The following SAMD9 variants were observed in gnomAD, a reference collection of about 807,000 sequenced individuals.
SAMD9 encodes sterile alpha motif domain containing 9.
A neutral mutation model predicts 1.5 loss-of-function variants in SAMD9; 3 were observed. That is an observed-to-expected ratio of 2.05 (90% CI 0.93 to 5.29). The LOEUF is 5.29. Among genes scored for constraint, SAMD9 ranks in the 30% most tolerant of loss-of-function variants. The pLI is 0.02. For synonymous variants in SAMD9, 635 were observed against 631.9 expected, an observed-to-expected ratio of 1.00 and a Z score of -0.07; for missense variants, 1,597 against 1,820.8, an observed-to-expected ratio of 0.88 and a Z score of 2.24.
chr7:93,112,865 A>G (rs1288208179), intron 2 of SAMD9, among the ~76,000 whole-genome samples: 1 of 152,246 alleles, frequency 6.6e-6, no homozygotes, highest in Non-Finnish European at 1.5e-5. Context: ...TATCATGAAA[A>G]TGGCCATACT....
At chr7:93,113,240 T>A (rs1189428851) in intron 2 of SAMD9, among the ~76,000 whole-genome samples, 1 of 152,226 alleles carries the variant, frequency 6.6e-6, no homozygotes, top group African/African-American at 2.4e-5. Context: ...CTGGGAAAAC[T>A]GGCTAGCCAT....
At chr7:93,112,361 C>T (rs1366468365) in intron 2 of SAMD9, among the ~76,000 whole-genome samples, 1 of 152,142 alleles carries the variant, frequency 6.6e-6, no homozygotes, top group African/African-American at 2.4e-5. Context: ...ACTGAATGGG[C>T]AAAAACTGGA....
Position 93,103,224 on chromosome 7 carries a change from G to T in SAMD9, c.2874C>A (p.Asp958Glu). The T allele has an allele frequency of 6.2e-7, 1 of 1,613,680 alleles. No individual in the cohort carries two copies. The highest frequency in any genetic ancestry group is 8.5e-7 in the Non-Finnish European group (1 of 1,179,716). ...GAATTGTAGAGTAGGTGCCCATCTT[G>T]TCTTCAAATTTTTCTGTCCCCCAGA... ...KAFWGTEKFE[D>E]KMGTYSTILI... Residue 958 changes from aspartate (D) to glutamate (E), a missense_variant, in exon 3 of 3, where the codon GAC becomes GAA. Around this residue, in one of 6 missense-constraint regions of SAMD9, gnomAD observed 682 missense variants for 810.0 expected, o/e 0.84. Transcript: ENST00000379958.
rs967807530 is a variant in SAMD9 at position 93,105,500 on chromosome 7, A to G, written c.598T>C (p.Phe200Leu). ...LIDPIHEFKAFTNTATATEED... is the reference protein window; with the variant it reads ...LIDPIHEFKALTNTATATEED... The stretch of plus-strand genomic sequence containing the variant: ...TCTGTGGCTGTTGCTGTATTTGTGA[A>G]GGCTTTGAATTCATGTATCGGATCA... The change falls in exon 3 of 3, where the codon TTC becomes CTC. Residue 200 changes from phenylalanine to leucine, a missense_variant. Phe to Leu is a conservative substitution (Grantham distance 22). Around this residue, in one of 6 missense-constraint regions of SAMD9, gnomAD observed 498 missense variants for 457.4 expected, o/e 1.09. Transcript: ENST00000379958. 2 of 1,614,044 alleles carry G rather than the reference A, an allele frequency of 1.2e-6. No homozygotes were observed. Among genetic ancestry groups the G allele is most frequent in the Admixed American group, 3.3e-5 (2 of 60,012 alleles).
intron 1 of SAMD9, among the ~76,000 whole-genome samples, chr7:93,117,258 TTTGTTGTTGTTGTTG>T (rs201142138): frequency 2.0e-5 from 3 of 150,504 alleles, no homozygotes; most frequent in South Asian, 4.2e-4. Flanking sequence ...TATCTTTCCG[TTTGTTGTTGTTGTTG>T]TTGTTGTTGT....
At chr7:93,113,454 G>A (rs1791779721) in intron 2 of SAMD9, among the ~76,000 whole-genome samples, 1 of 152,112 alleles carries the variant, frequency 6.6e-6, no homozygotes, top group Non-Finnish European at 1.5e-5. Context: ...TTGACAAATG[G>A]GATCTAGTTA....
At chr7:93,108,698 C>T (rs1432815785) in intron 2 of SAMD9, among the ~76,000 whole-genome samples, 1 of 152,204 alleles carries the variant, frequency 6.6e-6, no homozygotes, top group Non-Finnish European at 1.5e-5. Context: ...GAGCCTCACT[C>T]ACTGCTAGCA....
At chr7:93,110,080 G>C (rs1334156953) in intron 2 of SAMD9, among the ~76,000 whole-genome samples, 1 of 152,182 alleles carries the variant, frequency 6.6e-6, no homozygotes, top group African/African-American at 2.4e-5. Flanking sequence ...ACCCACAAAG[G>C]GGAGCCCATC....
In SAMD9 at chr7:93,105,045, G is replaced by T. The variant is rs200454238; in HGVS notation, c.1053C>A (p.Asp351Glu). 2 of 1,613,810 alleles carry T rather than the reference G, an allele frequency of 1.2e-6. No individual in the cohort carries two copies. The highest frequency in any genetic ancestry group is 4.5e-5 in the East Asian group (2 of 44,836). The change falls in exon 3 of 3, where the codon GAC (aspartate) becomes GAA (glutamate). Residue 351 changes from aspartate (D) to glutamate (E), a missense_variant. Coordinates refer to ENST00000379958, the MANE Select transcript of SAMD9 (RefSeq NM_017654.4). ...LFVRDGTSSKDITKNKVDFRA... is the reference protein window; with the variant it reads ...LFVRDGTSSKEITKNKVDFRA... ...TGAAATCAACTTTATTTTTCGTAAT[G>T]TCCTTAGAGCTGGTCCCATCTCGCA...
intron 2 of SAMD9, among the ~76,000 whole-genome samples, chr7:93,112,636 A>G (rs1467157313): frequency 6.6e-6 from 1 of 152,248 alleles, no homozygotes; most frequent in Non-Finnish European, 1.5e-5. Context: ...TGCAAAAATC[A>G]CAAGCATTCC....
Position 93,103,983 on chromosome 7 carries a change from A to G in SAMD9, c.2115T>C (p.Phe705=), listed in dbSNP as rs1791583991. Residue 705 remains phenylalanine (F), a synonymous_variant, in exon 3 of 3, where the codon TTT becomes TTC. Coordinates refer to ENST00000379958, the MANE Select transcript of SAMD9 (RefSeq NM_017654.4). ...GTCTTTCATATTTATCCCTTTTGAC[A>G]AAAGGTGAAGAATAACTTTCAGAAG... ...YFSSESYSSP[F]VKRDKYERLE... 1 of 1,613,604 alleles carries G rather than the reference A, an allele frequency of 6.2e-7. No individual in the cohort carries two copies. Among genetic ancestry groups the G allele is most frequent in the Non-Finnish European group, 8.5e-7 (1 of 1,179,740 alleles).
chr7:93,101,298 T>C lies in SAMD9; in HGVS notation c.*30A>G, dbSNP rs1256899303. On this transcript the variant is annotated 3_prime_UTR_variant, in exon 3 of 3. Transcript: ENST00000379958. ...CAAAAAAATTAAATGGGTACTGAGA[T>C]CAAATTCTTGGAGGAAGAATATCAG... 3.1e-6 allele frequency: 5 copies of C among 1,587,440 alleles called. No individual in the cohort carries two copies.
intron 2 of SAMD9, among the ~76,000 whole-genome samples, chr7:93,108,161 T>G (rs537130644): frequency 1.3e-5 from 2 of 152,366 alleles, no homozygotes; most frequent in South Asian, 4.1e-4. Context: ...TGCCTCGCCA[T>G]GCGCCTGTGT....
At position 93,108,126 on chromosome 7, in the gene SAMD9, G is replaced by T. The variant is rs144308791; in HGVS notation, c.-8-2021C>A. 1.2e-4 allele frequency among the ~76,000 whole-genome samples: 19 copies of T among 152,338 alleles called. No homozygotes were observed. In the East Asian group the frequency reaches 3.7e-3, roughly 29 times the overall value. On this transcript the variant is annotated intron_variant, in intron 2 of 2. Coordinates refer to ENST00000379958, the MANE Select transcript of SAMD9 (RefSeq NM_017654.4). ...GATGTATTTATAAAAATGGAAGAAT[G>T]GGTGTGGCCCGCCGTGCCTTGCCGT...
chr7:93,107,220 T>G (rs1791661170), intron 2 of SAMD9, among the ~76,000 whole-genome samples: 1 of 152,084 alleles, frequency 6.6e-6, no homozygotes, highest in Non-Finnish European at 1.5e-5. Flanking sequence ...TGTGTTATTT[T>G]AATTGATTTT....
In SAMD9 at chr7:93,105,304, T is replaced by C. The variant is rs1458822267; in HGVS notation, c.794A>G (p.Asn265Ser). 2 of 1,613,974 alleles carry C rather than the reference T, an allele frequency of 1.2e-6. No individual in the cohort carries two copies. Among genetic ancestry groups the C allele is most frequent in the Non-Finnish European group, 1.7e-6 (2 of 1,179,976 alleles). The change falls in exon 3 of 3, where the codon AAT becomes AGT. Residue 265 changes from asparagine (N) to serine (S), a missense_variant. By Grantham distance (46) the Asn-to-Ser change is conservative. Around this residue, in one of 6 missense-constraint regions of SAMD9, gnomAD observed 498 missense variants for 457.4 expected, o/e 1.09. Transcript: ENST00000379958. ...DTKEALINHF[N>S]LMINKYFEDH... ...TTCAAAATACTTGTTTATCATCAGA[T>C]TGAAATGGTTAATGAGGGCTTCCTT...
chr7:93,106,438 ATG>A (rs1791648165), intron 2 of SAMD9, among the ~76,000 whole-genome samples: 1 of 152,220 alleles, frequency 6.6e-6, no homozygotes, highest in Non-Finnish European at 1.5e-5. Context: ...GTTTGCTATA[ATG>A]TGTGTTTGCT....
In SAMD9 at chr7:93,101,442, G is replaced by A. The variant is rs1328978820; in HGVS notation, c.4656C>T (p.Pro1552=). ...GTTGACCTAAAAAAGCGGGAGTGAT[G>A]GGTATTGTGATTTTTTCATTGATTC... ...EYGINEKITI[P]ITPAFLGQLR... is the part of the protein sequence containing the mutation. The change falls in exon 3 of 3, where the codon CCC becomes CCT. Residue 1552 remains proline (P), a synonymous_variant. Coordinates refer to ENST00000379958, the MANE Select transcript of SAMD9 (RefSeq NM_017654.4). 2 of 1,613,508 alleles carry A rather than the reference G, an allele frequency of 1.2e-6. No individual in the cohort carries two copies. Among genetic ancestry groups the A allele is most frequent in the Non-Finnish European group, 1.7e-6 (2 of 1,179,608 alleles).
chr7:93,116,895 T>TGG (rs371883973), intron 1 of SAMD9, among the ~76,000 whole-genome samples: 4 of 152,364 alleles, frequency 2.6e-5, no homozygotes, highest in African/African-American at 9.6e-5. Context: ...TAACTCTGGT[T>TGG]GGTGTTAAAC....
Sources: gnomAD v4.1 joint callset for allele counts (sites outside exome capture counted in the v4.1 genomes callset) on GRCh38, gnomAD v4.1.1 for gene constraint, gnomAD v4.1.1 regional missense constraint, MANE v1.5 for transcripts, NCBI Gene and HGNC (gene_info 2026-07-23, HGNC 2026-07-21) for gene names.